CFAP44: variants seen among roughly 807,000 people sequenced by gnomAD.
CFAP44 encodes the protein cilia- and flagella-associated protein 44.
In CFAP44, 134 loss-of-function variants were observed where a neutral mutation model predicts 216.2. That is an observed-to-expected ratio of 0.62 (90% CI 0.54 to 0.72). The LOEUF (loss-of-function observed/expected upper bound fraction) is 0.72, where lower values mean the gene tolerates loss of function less well. CFAP44 is among the 30% of genes least tolerant of loss of function. The probability of loss-of-function intolerance (pLI) is 0.00; values close to 1 mark genes in which losing one functional copy is unlikely to be tolerated. For synonymous variants in CFAP44, 700 were observed against 727.6 expected (o/e 0.96, Z 0.61); for missense variants, 2,035 against 2,182.1 (o/e 0.93, Z 1.34).
chr3:113,361,575 C>T (rs1457046501), intron 21 of CFAP44, among the ~76,000 whole-genome samples: 1 of 150,202 alleles, frequency 6.7e-6, no homozygotes, highest in African/African-American at 2.5e-5. Flanking sequence ...GCTCACTGCA[C>T]ACTCCACCTC....
intron 5 of CFAP44, among the ~76,000 whole-genome samples, chr3:113,419,301 T>G (rs1032803484): frequency 6.6e-6 from 1 of 152,156 alleles, no homozygotes; most frequent in Non-Finnish European, 1.5e-5. Context: ...TAGTTTTTTT[T>G]TCTTTTTACA....
intron 4 of CFAP44, among the ~76,000 whole-genome samples, chr3:113,424,774 C>T (rs1045279508): frequency 1.3e-5 from 2 of 152,146 alleles, no homozygotes; most frequent in South Asian, 2.1e-4. Flanking sequence ...CCATCCAGCA[C>T]GAATAGAGAT....
Position 113,400,561 on chromosome 3 carries a change from G to C in CFAP44, c.1458C>G (p.Ala486=). ...VAVSPLTYLM[A]TTALDCSVRI... is the part of the protein sequence containing the mutation. ...CCTACTTACAGTCCAAGGCAGTTGT[G>C]GCCATGAGATAAGTGAGAGGAGAAA... Residue 486 remains alanine, a synonymous_variant, in exon 12 of 35, where the codon GCC becomes GCG. Transcript: ENST00000393845. 6.2e-7 allele frequency: 1 copy of C among 1,606,492 alleles called. No individual in the cohort carries two copies. Among genetic ancestry groups the C allele is most frequent in the Non-Finnish European group, 8.5e-7 (1 of 1,176,496 alleles).
intron 1 of CFAP44, among the ~76,000 whole-genome samples, chr3:113,435,941 T>C (rs1002538324): frequency 6.6e-6 from 1 of 151,892 alleles, no homozygotes; most frequent in South Asian, 2.1e-4. Context: ...CTCTCCATCC[T>C]TTCTTCCTTT....
chr3:113,311,724 G>A (rs538350442), intron 28 of CFAP44, among the ~76,000 whole-genome samples: 88 of 152,250 alleles, frequency 5.8e-4, no homozygotes, highest in South Asian at 4.4e-3. Context: ...ACAGTTTGGA[G>A]GGCTCAGAAG....
chr3:113,404,481 C>T (rs6438144), intron 8 of CFAP44, among the ~76,000 whole-genome samples: 80,960 of 152,014 alleles, frequency 0.53, 22,782 homozygotes, highest in African/African-American at 0.71. Context: ...CTCAAATTAG[C>T]CTGTTTAATC....
chr3:113,384,291 C>T (rs1933591338), intron 15 of CFAP44, among the ~76,000 whole-genome samples: 1 of 152,104 alleles, frequency 6.6e-6, no homozygotes, highest in African/African-American at 2.4e-5. Flanking sequence ...GATCCCCTGA[C>T]CTTGTGATCC....
In CFAP44 at chr3:113,409,317, T is replaced by A; in HGVS notation, c.679A>T (p.Thr227Ser). 1 of 1,613,780 alleles carries A rather than the reference T, an allele frequency of 6.2e-7. No homozygotes were observed. Among genetic ancestry groups the A allele is most frequent in the African/African-American group, 1.3e-5 (1 of 75,022 alleles). ...TCCACATAAGCATATCCCTTCTCAG[T>A]CCCATCTGGAAGGATAAATGGAAGC... ...LRPYRVLRDG[T>S]EKGYAYVDFN... is the part of the protein sequence containing the mutation. Residue 227 changes from threonine to serine, a missense_variant, in exon 7 of 35, where the codon ACT becomes TCT. Coordinates refer to ENST00000393845, the MANE Select transcript of CFAP44 (RefSeq NM_001164496.2).
At chr3:113,420,683 C>T (rs546327257) in intron 4 of CFAP44, among the ~76,000 whole-genome samples, 3 of 152,200 alleles carry the variant, frequency 2.0e-5, no homozygotes, top group East Asian at 3.9e-4. Flanking sequence ...AAAAATATTA[C>T]GTAGGCCTTT....
At chr3:113,372,501 T>C (rs1207300590) in intron 18 of CFAP44, among the ~76,000 whole-genome samples, 4 of 152,148 alleles carry the variant, frequency 2.6e-5, no homozygotes, top group African/African-American at 9.7e-5. Flanking sequence ...GCACCACATA[T>C]TCTCACTCAT....
chr3:113,376,616 T>G (rs2107331561), intron 17 of CFAP44, among the ~76,000 whole-genome samples: 1 of 152,284 alleles, frequency 6.6e-6, no homozygotes, highest in African/African-American at 2.4e-5. Flanking sequence ...CTGTTAAATG[T>G]TCCGAAAAGT....
At chr3:113,371,220 G>GA (rs1252431408) in intron 18 of CFAP44, among the ~76,000 whole-genome samples, 2 of 152,046 alleles carry the variant, frequency 1.3e-5, no homozygotes, top group Non-Finnish European at 2.9e-5. Context: ...CACAGAATTG[G>GA]AAAAAACTAC....
chr3:113,403,434 A>C (rs767146489), intron 9 of CFAP44, among the ~76,000 whole-genome samples: 3 of 152,222 alleles, frequency 2.0e-5, no homozygotes, highest in Admixed American at 6.5e-5. Flanking sequence ...GGCAAACTCC[A>C]TCAGTTCACC....
Position 113,426,290 on chromosome 3 carries a change from A to C in CFAP44, c.254-13T>G. On this transcript the variant is annotated splice_polypyrimidine_tract_variant and intron_variant, in intron 3 of 34. Transcript: ENST00000393845. ...GTTTGCTGAGGTACTAAAAAAATAAAATAATTTAAGAAGAGTGATATGGTT... is the reference window on the plus strand; with the variant it reads ...GTTTGCTGAGGTACTAAAAAAATAACATAATTTAAGAAGAGTGATATGGTT... 1.2e-6 allele frequency: 2 copies of C among 1,611,516 alleles called. No individual in the cohort carries two copies. The highest frequency in any genetic ancestry group is 1.7e-6 in the Non-Finnish European group (2 of 1,179,060).
intron 15 of CFAP44, among the ~76,000 whole-genome samples, chr3:113,384,190 G>A (rs1933587843): frequency 6.6e-6 from 1 of 151,848 alleles, no homozygotes; most frequent in Non-Finnish European, 1.5e-5. Context: ...TCCCAAGTAG[G>A]TGGGACTGCA....
At chr3:113,293,100 A>C (rs1949846364) in intron 34 of CFAP44, among the ~76,000 whole-genome samples, 1 of 152,192 alleles carries the variant, frequency 6.6e-6, no homozygotes, top group Non-Finnish European at 1.5e-5. Context: ...AGGTACTCTC[A>C]ATAGGGCTTT....
At chr3:113,348,636 G>T (rs1307147565) in intron 22 of CFAP44, among the ~76,000 whole-genome samples, 2 of 151,954 alleles carry the variant, frequency 1.3e-5, no homozygotes, top group South Asian at 2.1e-4. Flanking sequence ...AATCTCCCCT[G>T]CCCAGAAGGA....
intron 15 of CFAP44, among the ~76,000 whole-genome samples, chr3:113,391,308 A>G (rs1208738878): frequency 6.6e-6 from 1 of 152,164 alleles, no homozygotes; most frequent in Non-Finnish European, 1.5e-5. Flanking sequence ...GAATAAAATG[A>G]CCCCTATCTC....
intron 7 of CFAP44, 66 bp from the exon 8 acceptor site, chr3:113,407,107 C>T: frequency 8.4e-7 from 1 of 1,184,078 alleles, no homozygotes; most frequent in South Asian, 1.2e-5. Context: ...TTAATATGAC[C>T]CAAACATTTA....
Sources: gnomAD v4.1 joint callset for allele counts (sites outside exome capture counted in the v4.1 genomes callset) on GRCh38, gnomAD v4.1.1 for gene constraint, MANE v1.5 for transcripts, NCBI Gene and HGNC (gene_info 2026-07-23, HGNC 2026-07-21) for gene names.